The following LMNA variants were observed in gnomAD, a reference collection of about 807,000 sequenced individuals.
LMNA encodes the protein lamin A/C, also known as lamin.
A neutral mutation model predicts 70.4 loss-of-function variants in LMNA; 20 were observed. That is an observed-to-expected ratio of 0.28 (90% CI 0.20 to 0.41). LMNA has a LOEUF of 0.41. Ranked by LOEUF, LMNA falls within the 10% of genes least tolerant of loss-of-function variation. The pLI is 1.00. For synonymous variants in LMNA, 339 were observed against 372.8 expected (o/e 0.91, Z 1.04); for missense variants, 652 against 917.2 (o/e 0.71, Z 3.73).
In LMNA at chr1:156,139,973, G is replaced by C; in HGVS notation, c.*867G>C. On this transcript the variant is annotated 3_prime_UTR_variant, in exon 12 of 12. Transcript: ENST00000368300. ...ACCGTGGAGGAGGAAGGCAAGAGGG[G>C]GTGGAGGGGTGTGGCAGTGGTTTTG... 2 of 782,784 alleles carry C rather than the reference G, an allele frequency of 2.6e-6. No homozygotes were observed. Among genetic ancestry groups the C allele is most frequent in the Non-Finnish European group, 3.8e-6 (2 of 519,846 alleles). The allele number at this position is 782,784 out of a possible 1,614,324, so 48.5% of individuals were successfully genotyped here.
chr1:156,126,157 T>G, intron 1 of LMNA: 1 of 1,520,160 alleles, frequency 6.6e-7, no homozygotes, highest in Non-Finnish European at 8.8e-7. Context: ...GCCCAGGGGC[T>G]GGGAGACCCT....
At chr1:156,130,530 GC>G (rs943569123) in intron 1 of LMNA, 86 bp from the exon 2 acceptor site, 60 of 1,411,368 alleles carry the variant, frequency 4.3e-5, no homozygotes, top group Admixed American at 8.4e-5. Flanking sequence ...AGCAGCGCCA[GC>G]CCCCATGGCT....
upstream of LMNA, among the ~76,000 whole-genome samples, chr1:156,112,659 GC>G (rs1649583984): frequency 6.6e-6 from 1 of 152,118 alleles, no homozygotes; most frequent in Non-Finnish European, 1.5e-5. Context: ...CATATTCTGG[GC>G]CCCCTCATCC....
At chr1:156,113,302 T>TAAA (rs1649608311), upstream of LMNA, among the ~76,000 whole-genome samples, 1 of 150,586 alleles carries the variant, frequency 6.6e-6, no homozygotes, top group Admixed American at 6.6e-5. Context: ...AGACTTAATC[T>TAAA]CAAAAAAACA....
chr1:156,129,732 A>G, intron 1 of LMNA: 1 of 654,858 alleles, frequency 1.5e-6, no homozygotes, highest in South Asian at 1.7e-5. Context: ...GTCCACTAGC[A>G]AAAATAATCA....
chr1:156,122,819 C>T (rs1650286576), intron 1 of LMNA, among the ~76,000 whole-genome samples: 1 of 152,196 alleles, frequency 6.6e-6, no homozygotes, highest in Non-Finnish European at 1.5e-5. Context: ...TTCTACCCTT[C>T]CAGCACCCAT....
In LMNA at chr1:156,136,496, A is replaced by C; in HGVS notation, c.1380+60A>C. 1 of 1,477,378 alleles carries C rather than the reference A, an allele frequency of 6.8e-7. No individual in the cohort carries two copies. Among genetic ancestry groups the C allele is most frequent in the Non-Finnish European group, 9.2e-7 (1 of 1,087,128 alleles). The allele number at this position is 1,477,378 out of a possible 1,614,324, so 91.5% of individuals were successfully genotyped here. ...TGCATCAGGGAGAGAGTGGCAAGAC[A>C]GAAGGATGGCATGTGGAGAGAGGAA... On this transcript the variant is annotated intron_variant, in intron 7 of 11. Transcript: ENST00000368300. This position sits in a 1 kb window ranked among gnomAD's most constrained non-coding sequence, Gnocchi z 6.1.
chr1:156,093,135 C>A (rs1648773113), intron 3 of LMNA, among the ~76,000 whole-genome samples: 1 of 151,788 alleles, frequency 6.6e-6, no homozygotes, highest in Non-Finnish European at 1.5e-5. Context: ...GTGATCTGCC[C>A]ACCTTGGCCC....
intron 1 of LMNA, among the ~76,000 whole-genome samples, chr1:156,129,612 C>G (rs1271290519): frequency 6.6e-6 from 1 of 152,158 alleles, no homozygotes; most frequent in Non-Finnish European, 1.5e-5. Flanking sequence ...CCTCCGCTCC[C>G]TGGGTCTGCT....
chr1:156,099,699 T>A (rs1649069715), intron 3 of LMNA, among the ~76,000 whole-genome samples: 1 of 151,686 alleles, frequency 6.6e-6, no homozygotes, highest in South Asian at 2.1e-4. Context: ...CTGGCCAACA[T>A]GGCGAAAACC....
In LMNA at chr1:156,127,496, T is replaced by C. The variant is rs532596232; in HGVS notation, c.357-3121T>C. ...AAAACCTCCACCAGGGAAAGACAAA[T>C]AACCCCCTTACTGTTTTTTTTTTTT... On this transcript the variant is annotated intron_variant, in intron 1 of 11. Coordinates refer to ENST00000368300, the MANE Select transcript of LMNA (RefSeq NM_170707.4). Among the ~76,000 whole-genome samples the C allele has an allele frequency of 7.0e-5, 10 of 142,542 alleles. No homozygotes were observed. In the South Asian group the frequency reaches 2.3e-3, roughly 32 times the overall value. The allele number at this position is 142,542 out of a possible 152,430, so 93.5% of individuals were successfully genotyped here. A position where few individuals can be genotyped will look rare whatever the true frequency, so the allele number is the denominator to read the frequency against.
intron 1 of LMNA, among the ~76,000 whole-genome samples, chr1:156,116,555 C>T (rs986425104): frequency 1.3e-5 from 2 of 152,182 alleles, no homozygotes; most frequent in African/African-American, 4.8e-5. Flanking sequence ...TTATCATCTA[C>T]TCCAAACTTC....
intron 2 of LMNA, among the ~76,000 whole-genome samples, chr1:156,085,294 A>C (rs1443941800): frequency 6.6e-6 from 1 of 152,140 alleles, no homozygotes; most frequent in Non-Finnish European, 1.5e-5. Flanking sequence ...TTTTTTACGA[A>C]TCCTTCGCTC....
intron 1 of LMNA, among the ~76,000 whole-genome samples, chr1:156,119,565 C>T (rs1650056945): frequency 6.6e-6 from 1 of 152,212 alleles, no homozygotes; most frequent in African/African-American, 2.4e-5. Flanking sequence ...CTGGTACCCC[C>T]TGCCCCTTCT....
At chr1:156,086,408 C>CTG (rs1179825252) in intron 2 of LMNA, among the ~76,000 whole-genome samples, 1 of 152,084 alleles carries the variant, frequency 6.6e-6, no homozygotes, top group Non-Finnish European at 1.5e-5. Context: ...CTCTCTCTCT[C>CTG]TCTCTCTCTC....
At position 156,114,783 on chromosome 1, in the gene LMNA, C is replaced by T; in HGVS notation, c.-136C>T. The T allele has an allele frequency of 1.5e-6, 1 of 649,240 alleles. No individual in the cohort carries two copies. 40.2% of individuals were successfully genotyped at this position (649,240 alleles called of 1,614,324 possible). ...GGTCCGACAGCGCCCGGCCCAGATC[C>T]CCACGCCTGCCAGGAGCAAGCCGAG... is the stretch of plus-strand genomic sequence containing the variant. On this transcript the variant is annotated 5_prime_UTR_variant, in exon 1 of 12. Coordinates refer to ENST00000368300, the MANE Select transcript of LMNA (RefSeq NM_170707.4).
At position 156,116,608 on chromosome 1, in the gene LMNA, A is replaced by C. The variant is rs145432264; in HGVS notation, c.356+1334A>C. The stretch of plus-strand genomic sequence containing the variant: ...TTTGCTAGGTGTGGTTTTGTTGCCC[A>C]GGCTGGAGTGCAATGGCACAATCTC... On this transcript the variant is annotated intron_variant, in intron 1 of 11. Coordinates refer to ENST00000368300, the MANE Select transcript of LMNA (RefSeq NM_170707.4). 4.6e-5 allele frequency among the ~76,000 whole-genome samples: 7 copies of C among 152,334 alleles called. No homozygotes were observed. In the East Asian group the frequency reaches 1.4e-3, roughly 29 times the overall value.
At chr1:156,133,763 C>T (rs921467080) in intron 2 of LMNA, among the ~76,000 whole-genome samples, 21 of 151,990 alleles carry the variant, frequency 1.4e-4, no homozygotes, top group African/African-American at 5.1e-4. Flanking sequence ...CCAAAGACCC[C>T]AGAACACACA....
At chr1:156,088,442 C>T (rs1046859013) in intron 2 of LMNA, among the ~76,000 whole-genome samples, 6 of 152,054 alleles carry the variant, frequency 3.9e-5, no homozygotes, top group Admixed American at 2.6e-4. Context: ...TCCCCACCCT[C>T]GGTAAGACAC....
Sources: gnomAD v4.1 joint callset for allele counts (sites outside exome capture counted in the v4.1 genomes callset) on GRCh38, gnomAD v4.1.1 for gene constraint, Gnocchi (gnomAD v3.1) non-coding constraint, MANE v1.5 for transcripts, NCBI Gene and HGNC (gene_info 2026-07-23, HGNC 2026-07-21) for gene names.